The following TMEFF2 variants were observed in gnomAD, a reference collection of about 807,000 sequenced individuals.
TMEFF2 encodes the protein tomoregulin-2.
Under a neutral mutation model 53.8 loss-of-function variants are expected in TMEFF2, and 28 were observed. The observed-to-expected ratio is 0.52, with a 90% CI of 0.39 to 0.71. TMEFF2 has a LOEUF of 0.71. TMEFF2 is among the 30% of genes least tolerant of loss of function. The pLI is 0.00. For synonymous variants in TMEFF2, 162 were observed against 166.3 expected (o/e 0.97, Z 0.20); for missense variants, 353 against 455.2 (o/e 0.78, Z 2.04).
At chr2:192,168,664 G>T (rs1324048220) in intron 4 of TMEFF2, among the ~76,000 whole-genome samples, 3 of 151,738 alleles carry the variant, frequency 2.0e-5, no homozygotes, top group Non-Finnish European at 4.4e-5. Flanking sequence ...TGTTGTTGCT[G>T]GTTTTCAGTC....
chr2:192,007,305 A>T (rs541639430), intron 5 of TMEFF2, among the ~76,000 whole-genome samples: 2 of 152,342 alleles, frequency 1.3e-5, no homozygotes, highest in African/African-American at 4.8e-5. Context: ...TTAATTTGCC[A>T]AGTAAAACCA....
chr2:192,135,318 C>T (rs1300123593), intron 4 of TMEFF2, among the ~76,000 whole-genome samples: 3 of 152,164 alleles, frequency 2.0e-5, no homozygotes, highest in Non-Finnish European at 4.4e-5. Context: ...GCTGAATCTC[C>T]TTAGGCACTC....
intron 4 of TMEFF2, among the ~76,000 whole-genome samples, chr2:192,078,651 T>C (rs1688486415): frequency 6.6e-6 from 1 of 152,212 alleles, no homozygotes; most frequent in Non-Finnish European, 1.5e-5. Flanking sequence ...TCTTTCTTAT[T>C]CTTTCAGCTA....
At chr2:191,956,849 C>A (rs1210832091) in intron 7 of TMEFF2, among the ~76,000 whole-genome samples, 1 of 152,202 alleles carries the variant, frequency 6.6e-6, no homozygotes, top group African/African-American at 2.4e-5. Context: ...ATTTTCCAAA[C>A]CGAATGCAAA....
chr2:192,060,991 G>A (rs145216651), intron 4 of TMEFF2, among the ~76,000 whole-genome samples: 7 of 152,242 alleles, frequency 4.6e-5, no homozygotes, highest in African/African-American at 1.7e-4. Flanking sequence ...TTTTAGGGAG[G>A]TTTGGAATCG....
At chr2:192,184,218 G>T in intron 3 of TMEFF2, 136 bp downstream of exon 3, 1 of 1,158,116 alleles carries the variant, frequency 8.6e-7, no homozygotes, top group Non-Finnish European at 1.2e-6. Context: ...AATAACAAAT[G>T]TTTTGAACAA....
chr2:191,974,961 GA>G (rs1210279255), intron 7 of TMEFF2, among the ~76,000 whole-genome samples: 1 of 151,936 alleles, frequency 6.6e-6, no homozygotes. Context: ...AGGTTACAAA[GA>G]GATTAATTAA....
chr2:192,026,227 G>T (rs10195610), intron 5 of TMEFF2, among the ~76,000 whole-genome samples: 33,585 of 151,996 alleles, frequency 0.22, 4,625 homozygotes, highest in African/African-American at 0.37. Flanking sequence ...CCAGTCACTT[G>T]GCTGCCAGAC....
At chr2:191,987,875 G>A (rs1240458244) in intron 7 of TMEFF2, among the ~76,000 whole-genome samples, 4 of 152,060 alleles carry the variant, frequency 2.6e-5, no homozygotes, top group Admixed American at 6.6e-5. Context: ...ATAATTTCTA[G>A]GTGATTTTGG....
At chr2:192,169,609 T>C (rs896602674) in intron 4 of TMEFF2, among the ~76,000 whole-genome samples, 2 of 152,098 alleles carry the variant, frequency 1.3e-5, no homozygotes, top group African/African-American at 4.8e-5. Flanking sequence ...AAGTAAGAAA[T>C]ATTTTACGTA....
chr2:192,108,254 C>G (rs1689196371), intron 4 of TMEFF2, among the ~76,000 whole-genome samples: 1 of 151,714 alleles, frequency 6.6e-6, no homozygotes, highest in Non-Finnish European at 1.5e-5. Context: ...TACAACAAAA[C>G]AAAAAGTAGC....
chr2:192,077,203 T>C (rs1332610297), intron 4 of TMEFF2, among the ~76,000 whole-genome samples: 6 of 152,150 alleles, frequency 3.9e-5, no homozygotes, highest in Admixed American at 2.0e-4. Context: ...TAGAGGAGCT[T>C]CTCAGGCATT....
chr2:192,048,098 G>A (rs188980985), intron 5 of TMEFF2, among the ~76,000 whole-genome samples: 1 of 152,226 alleles, frequency 6.6e-6, no homozygotes, highest in African/African-American at 2.4e-5. Flanking sequence ...CAGGCTTAGA[G>A]GGGATATAGG....
chr2:192,095,870 T>C (rs902939846), intron 4 of TMEFF2, among the ~76,000 whole-genome samples: 2 of 152,214 alleles, frequency 1.3e-5, no homozygotes, highest in South Asian at 2.1e-4. Flanking sequence ...ATAAAATGTA[T>C]GTAAGAGAAG....
intron 7 of TMEFF2, among the ~76,000 whole-genome samples, chr2:191,967,239 G>A (rs1296133015): frequency 6.6e-6 from 1 of 152,076 alleles, no homozygotes; most frequent in Non-Finnish European, 1.5e-5. Flanking sequence ...GAATTTATAG[G>A]TATTATAGGT....
intron 5 of TMEFF2, chr2:192,028,794 A>G (rs1687041286): frequency 6.6e-6 from 1 of 152,182 alleles, no homozygotes; most frequent in South Asian, 2.1e-4. Flanking sequence ...GTGATTCTAT[A>G]TAAAAATTAG....
At chr2:192,135,179 C>T (rs1209737321) in intron 4 of TMEFF2, among the ~76,000 whole-genome samples, 1 of 152,196 alleles carries the variant, frequency 6.6e-6, no homozygotes, top group Non-Finnish European at 1.5e-5. Flanking sequence ...CATATATGCC[C>T]TGCTCTTGTT....
At chr2:191,969,137 ATCTATGTGTGTGTGTG>A (rs1404431839) in intron 7 of TMEFF2, among the ~76,000 whole-genome samples, 1 of 65,452 alleles carries the variant, frequency 1.5e-5, no homozygotes, top group Non-Finnish European at 3.2e-5. Flanking sequence ...GTGTGTGTGT[ATCTATGTGTGTGTGTG>A]TATATATATA....
chr2:192,103,080 CCAGA>C (rs1689070194), intron 4 of TMEFF2, among the ~76,000 whole-genome samples: 1 of 152,068 alleles, frequency 6.6e-6, no homozygotes, highest in Non-Finnish European at 1.5e-5. Flanking sequence ...AGCTGGCTGC[CCAGA>C]CACTCAGAAA....
Sources: allele counts gnomAD v4.1 joint callset (sites outside exome capture counted in the v4.1 genomes callset), GRCh38; gene constraint gnomAD v4.1.1; transcripts MANE v1.5; gene names NCBI Gene and HGNC (gene_info 2026-07-23, HGNC 2026-07-21).